Variants in DPYD observed in about 807,000 individuals in gnomAD.
DPYD encodes the protein dihydropyrimidine dehydrogenase.
A neutral mutation model predicts 116.2 loss-of-function variants in DPYD; 109 were observed. The observed-to-expected ratio is 0.94, with a 90% CI of 0.80 to 1.10. The LOEUF is 1.10. Among genes scored for constraint, DPYD ranks in the 50% least tolerant of loss-of-function variants. DPYD has a pLI of 0.00. For missense variants in DPYD, 1,302 were observed against 1,254.5 expected, an observed-to-expected ratio of 1.04 and a Z score of -0.57; for synonymous variants, 440 against 432.0, an observed-to-expected ratio of 1.02 and a Z score of -0.23.
At chr1:97,159,346 T>A (rs1355587402) in intron 20 of DPYD, among the ~76,000 whole-genome samples, 4 of 152,032 alleles carry the variant, frequency 2.6e-5, no homozygotes, top group Admixed American at 6.6e-5. Context: ...AAAGACTCAG[T>A]GAACTTGAAC....
At chr1:97,463,335 C>T (rs959568089) in intron 13 of DPYD, among the ~76,000 whole-genome samples, 4 of 152,312 alleles carry the variant, frequency 2.6e-5, no homozygotes, top group African/African-American at 7.2e-5. Flanking sequence ...TTGCCTGCTG[C>T]CATCCATGTA....
intron 3 of DPYD, among the ~76,000 whole-genome samples, chr1:97,758,312 C>T (rs1483949478): frequency 2.0e-5 from 3 of 151,454 alleles, no homozygotes; most frequent in African/African-American, 7.3e-5. Context: ...AGGGCCATTA[C>T]CCCATATCCT....
chr1:97,173,363 T>C (rs1022409232), intron 20 of DPYD, among the ~76,000 whole-genome samples: 2 of 149,890 alleles, frequency 1.3e-5, no homozygotes, highest in African/African-American at 4.9e-5. Context: ...TATGTACATA[T>C]ATACATATAT....
intron 3 of DPYD, among the ~76,000 whole-genome samples, chr1:97,818,727 A>T (rs548577502): frequency 6.6e-6 from 1 of 152,134 alleles, no homozygotes; most frequent in Non-Finnish European, 1.5e-5. Context: ...TTCCTAATTT[A>T]CATGGCAAAC....
intron 20 of DPYD, among the ~76,000 whole-genome samples, chr1:97,191,099 C>T (rs1012500927): frequency 2.3e-5 from 2 of 87,096 alleles, no homozygotes; most frequent in Non-Finnish European, 4.7e-5. Flanking sequence ...CACACACACA[C>T]ACAAAAGCAG....
At chr1:97,161,826 G>GT (rs1232765312) in intron 20 of DPYD, among the ~76,000 whole-genome samples, 3 of 148,248 alleles carry the variant, frequency 2.0e-5, no homozygotes, top group Non-Finnish European at 4.4e-5. Context: ...GGGGTGTTTG[G>GT]TTTTTTGTCC....
chr1:97,496,728 G>A (rs554083987), intron 13 of DPYD, among the ~76,000 whole-genome samples: 1 of 151,972 alleles, frequency 6.6e-6, no homozygotes, highest in South Asian at 2.1e-4. Flanking sequence ...CTCTAGCTTG[G>A]TTTGGTGCTT....
chr1:97,785,242 T>A (rs577582949), intron 3 of DPYD, among the ~76,000 whole-genome samples: 52 of 152,276 alleles, frequency 3.4e-4, no homozygotes, highest in Non-Finnish European at 1.5e-5. Context: ...GCATATTTCA[T>A]TTGTTATTTT....
chr1:97,181,328 G>A (rs144705963), intron 20 of DPYD, among the ~76,000 whole-genome samples: 1 of 152,212 alleles, frequency 6.6e-6, no homozygotes, highest in African/African-American at 2.4e-5. Context: ...TAACTTGAGG[G>A]ACTCTTATCA....
intron 16 of DPYD, among the ~76,000 whole-genome samples, chr1:97,358,458 C>A (rs374475649): frequency 2.0e-5 from 3 of 152,164 alleles, no homozygotes; most frequent in South Asian, 2.1e-4. Context: ...GTGGTTCTCC[C>A]AGCATGGTGT....
rs1026101659 is a variant in DPYD, at chr1:97,723,230, T to C, written c.322-1559A>G. ...TATGTCTGCCATGTAAGAATGGTTC[T>C]TCTACATATATTTTCTGAATATGCA... On this transcript the variant is annotated intron_variant, in intron 4 of 22. Transcript: ENST00000370192. 3.3e-5 allele frequency among the ~76,000 whole-genome samples: 5 copies of C among 151,662 alleles called. No individual in the cohort carries two copies. The South Asian group carries it at 1.0e-3, about 31-fold the overall frequency.
At chr1:97,824,876 G>A (rs576949405) in intron 3 of DPYD, among the ~76,000 whole-genome samples, 8 of 152,088 alleles carry the variant, frequency 5.3e-5, no homozygotes, top group African/African-American at 1.7e-4. Flanking sequence ...CCTTCCCTTG[G>A]CTACAACAAG....
At position 97,171,296 on chromosome 1, in the gene DPYD, C is replaced by A. The variant is rs115399009; in HGVS notation, c.2622+21773G>T. ...AAAGCAATAATTTATCCTAAGTTCA[C>A]TGAATACAGGTGAGTAAGTATTGTA... On this transcript the variant is annotated intron_variant, in intron 20 of 22. Transcript: ENST00000370192. Among the ~76,000 whole-genome samples the A allele has an allele frequency of 2.2e-3, 332 of 152,218 alleles. 1 individual carries two copies. Among genetic ancestry groups the A allele is most frequent in the African/African-American group, 7.6e-3 (318 of 41,574 alleles).
At chr1:97,623,768 G>A (rs968364855) in intron 8 of DPYD, among the ~76,000 whole-genome samples, 6 of 151,222 alleles carry the variant, frequency 4.0e-5, no homozygotes, top group Admixed American at 1.3e-4. Context: ...AAAGGTATTC[G>A]CCAAAAAAAA....
chr1:97,761,022 T>C (rs1296981963), intron 3 of DPYD, among the ~76,000 whole-genome samples: 1 of 152,068 alleles, frequency 6.6e-6, no homozygotes, highest in African/African-American at 2.4e-5. Context: ...GAATCTAAGG[T>C]GTAGGTCCAG....
intron 1 of DPYD, among the ~76,000 whole-genome samples, chr1:97,887,469 TAA>T (rs57316508): frequency 0.022 from 1,026 of 47,100 alleles, 48 homozygotes; most frequent in African/African-American, 0.065. Flanking sequence ...GACTCTGCAT[TAA>T]AAAAAAAAAA....
At chr1:97,329,461 T>C (rs61787981) in intron 16 of DPYD, among the ~76,000 whole-genome samples, 36,466 of 151,928 alleles carry the variant, frequency 0.24, 5,475 homozygotes, top group Admixed American at 0.39. Context: ...AGAAATAATT[T>C]TGAGGCTGGG....
At chr1:97,392,361 CT>C (rs1019053389) in intron 14 of DPYD, among the ~76,000 whole-genome samples, 17 of 149,004 alleles carry the variant, frequency 1.1e-4, no homozygotes, top group East Asian at 3.9e-4. Flanking sequence ...TTTTTTCCTT[CT>C]TTTTTTTTTC....
chr1:97,151,274 GA>G (rs2101718980), intron 20 of DPYD, among the ~76,000 whole-genome samples: 1 of 152,228 alleles, frequency 6.6e-6, no homozygotes, highest in Admixed American at 6.5e-5. Flanking sequence ...ACATATATAT[GA>G]GCTCTTTTGA....
Sources: gnomAD v4.1 joint callset for allele counts (sites outside exome capture counted in the v4.1 genomes callset) on GRCh38, gnomAD v4.1.1 for gene constraint, MANE v1.5 for transcripts, NCBI Gene and HGNC (gene_info 2026-07-23, HGNC 2026-07-21) for gene names.